AHI1: variants seen among roughly 807,000 people sequenced by gnomAD.
The protein encoded by AHI1 is jouberin.
Under a neutral mutation model 149.3 loss-of-function variants are expected in AHI1, and 123 were observed. The ratio of observed to expected loss-of-function variants is 0.82; its 90% CI spans 0.71 to 0.96. The LOEUF (loss-of-function observed/expected upper bound fraction) is 0.96, where lower values mean the gene tolerates loss of function less well. AHI1 is among the 40% of genes least tolerant of loss of function. The pLI is 0.00. For missense variants in AHI1, 1,439 were observed against 1,422.7 expected, an observed-to-expected ratio of 1.01 and a Z score of -0.18; for synonymous variants, 475 against 459.8, an observed-to-expected ratio of 1.03 and a Z score of -0.42.
In AHI1 at chr6:135,331,660, A is replaced by G. The variant is rs924691789; in HGVS notation, c.3166-8336T>C. 4.1e-4 allele frequency among the ~76,000 whole-genome samples: 63 copies of G among 152,354 alleles called. 1 individual carries two copies. The highest frequency in any genetic ancestry group is 1.5e-3 in the African/African-American group (61 of 41,586). On this transcript the variant is annotated intron_variant, in intron 24 of 28. Transcript: ENST00000265602. Reference sequence around the variant, plus strand: ...TTCCTTACAGTTTTATCCACAATGCAATCCAATAATTGATGTTCGTAATAC... The same window carrying G: ...TTCCTTACAGTTTTATCCACAATGCGATCCAATAATTGATGTTCGTAATAC...
intron 3 of AHI1, chr6:135,495,451 G>A (rs1186064491): frequency 3.3e-5 from 5 of 152,198 alleles, no homozygotes; most frequent in Admixed American, 6.5e-5. Flanking sequence ...CCCCTCCCCT[G>A]AAAAATGTGC....
intron 24 of AHI1, among the ~76,000 whole-genome samples, chr6:135,353,668 C>T (rs1224778875): frequency 6.6e-6 from 1 of 152,030 alleles, no homozygotes; most frequent in Non-Finnish European, 1.5e-5. Context: ...TGAGTAAGTA[C>T]AGATATTATA....
chr6:135,339,962 A>G lies in AHI1; in HGVS notation c.3166-16638T>C, dbSNP rs576592486. Among the ~76,000 whole-genome samples the G allele has an allele frequency of 2.6e-5, 4 of 152,360 alleles. No homozygotes were observed. In the South Asian group the frequency reaches 8.3e-4, roughly 32 times the overall value. On this transcript the variant is annotated intron_variant, in intron 24 of 28. Coordinates refer to ENST00000265602, the MANE Select transcript of AHI1 (RefSeq NM_001134831.2). ...ATTCTCAATAAGATTAACAGTAGAT[A>G]TCTCATAAAAAAATGTGAAGGCCAG...
intron 5 of AHI1, among the ~76,000 whole-genome samples, chr6:135,484,163 T>C (rs1200399213): frequency 6.6e-6 from 1 of 152,174 alleles, no homozygotes; most frequent in Non-Finnish European, 1.5e-5. Context: ...TTATTCACTA[T>C]GATGAGAACA....
In AHI1 at chr6:135,457,482, A is replaced by T. The variant is rs1287645080; in HGVS notation, c.1151+12T>A. 6 of 1,563,764 alleles carry T rather than the reference A, an allele frequency of 3.8e-6. No homozygotes were observed. In the African/African-American group the frequency reaches 4.1e-5, roughly 11 times the overall value. Reference sequence around the variant, plus strand: ...AGTTTCAAGAATTAGTTGTGCAATTAAAAAAAATTACCTATCATCTTTCTT... The same window carrying T: ...AGTTTCAAGAATTAGTTGTGCAATTTAAAAAAATTACCTATCATCTTTCTT... On this transcript the variant is annotated intron_variant, in intron 9 of 28. Coordinates refer to ENST00000265602, the MANE Select transcript of AHI1 (RefSeq NM_001134831.2).
chr6:135,398,345 G>C (rs1779545191), intron 22 of AHI1, among the ~76,000 whole-genome samples: 1 of 152,038 alleles, frequency 6.6e-6, no homozygotes, highest in Admixed American at 6.6e-5. Flanking sequence ...GGACAGAGAA[G>C]TGAAGGATTT....
intron 23 of AHI1, among the ~76,000 whole-genome samples, chr6:135,385,752 C>T (rs1777490727): frequency 6.6e-6 from 1 of 152,142 alleles, no homozygotes; most frequent in South Asian, 2.1e-4. Flanking sequence ...GCTAAACAGG[C>T]TGTGAAATCC....
chr6:135,361,025 CCT>C (rs1793780595), intron 23 of AHI1, among the ~76,000 whole-genome samples: 3 of 152,196 alleles, frequency 2.0e-5, no homozygotes, highest in African/African-American at 7.2e-5. Context: ...TTCTTTTCTT[CCT>C]CTTTTTCTAT....
rs553561534 is a variant in AHI1, at chr6:135,460,765, T to A, written c.931+2360A>T. Reference sequence around the variant, plus strand: ...AAAGAATAGAGACTACAAAAACTGATCCACATGTAACACAGTCATGTTATT... The same window carrying A: ...AAAGAATAGAGACTACAAAAACTGAACCACATGTAACACAGTCATGTTATT... On this transcript the variant is annotated intron_variant, in intron 8 of 28. Coordinates refer to ENST00000265602, the MANE Select transcript of AHI1 (RefSeq NM_001134831.2). 2.9e-4 allele frequency among the ~76,000 whole-genome samples: 44 copies of A among 152,230 alleles called. 2 individuals are homozygous for A. The South Asian group carries it at 8.5e-3, about 29-fold the overall frequency.
chr6:135,354,720 G>A (rs956414008), intron 24 of AHI1, among the ~76,000 whole-genome samples: 2 of 152,046 alleles, frequency 1.3e-5, no homozygotes, highest in East Asian at 3.9e-4. Context: ...TTCTTAAAGT[G>A]GCATGATGTA....
intron 23 of AHI1, among the ~76,000 whole-genome samples, chr6:135,389,364 C>T (rs768234490): frequency 2.0e-5 from 3 of 150,868 alleles, no homozygotes; most frequent in Non-Finnish European, 4.4e-5. Context: ...CATGTCGATG[C>T]ACAAGAGTTA....
intron 24 of AHI1, among the ~76,000 whole-genome samples, chr6:135,335,385 A>G (rs1789223385): frequency 6.6e-6 from 1 of 152,096 alleles, no homozygotes; most frequent in Admixed American, 6.5e-5. Context: ...AACAACAATC[A>G]TCAGTTACCT....
At chr6:135,360,656 A>G (rs567804280) in intron 23 of AHI1, among the ~76,000 whole-genome samples, 166 of 152,380 alleles carry the variant, frequency 1.1e-3, no homozygotes, top group Non-Finnish European at 1.7e-3. Context: ...TATGAAATAA[A>G]TAAAAATGCT....
At chr6:135,301,775 C>G (rs941270136) in intron 26 of AHI1, 3 of 985,290 alleles carry the variant, frequency 3.0e-6, no homozygotes, top group Non-Finnish European at 3.6e-6. Context: ...TGGAATTGCT[C>G]TGACTCAGTT....
intron 22 of AHI1, 63 bp downstream of exon 22, chr6:135,404,888 T>C (rs1780534125): frequency 1.4e-6 from 2 of 1,450,184 alleles, no homozygotes; most frequent in Non-Finnish European, 1.9e-6. Context: ...AATGGTGCAT[T>C]CCAGTTCTTT....
intron 24 of AHI1, among the ~76,000 whole-genome samples, chr6:135,334,287 G>A (rs1033851592): frequency 6.6e-6 from 1 of 152,172 alleles, no homozygotes; most frequent in Non-Finnish European, 1.5e-5. Flanking sequence ...AGGTCATGAA[G>A]GCAGGAATGG....
intron 26 of AHI1, among the ~76,000 whole-genome samples, chr6:135,316,330 T>C (rs567419406): frequency 1.5e-4 from 23 of 152,296 alleles, no homozygotes; most frequent in African/African-American, 4.3e-4. Flanking sequence ...CTTTAGCCAC[T>C]GAGGAATCTT....
At chr6:135,371,709 G>T (rs2614287) in intron 23 of AHI1, among the ~76,000 whole-genome samples, 83,718 of 151,814 alleles carry the variant, frequency 0.55, 23,216 homozygotes, top group Middle Eastern at 0.64. Flanking sequence ...AGTTTCTTTC[G>T]AAAGATCTAC....
At chr6:135,379,166 T>C (rs548983196) in intron 23 of AHI1, among the ~76,000 whole-genome samples, 1 of 152,338 alleles carries the variant, frequency 6.6e-6, no homozygotes, top group East Asian at 1.9e-4. Context: ...TAATATCTTG[T>C]AGGCATTTCA....
Sources: allele counts gnomAD v4.1 joint callset (sites outside exome capture counted in the v4.1 genomes callset), GRCh38; gene constraint gnomAD v4.1.1; transcripts MANE v1.5; gene names NCBI Gene and HGNC (gene_info 2026-07-23, HGNC 2026-07-21).